The following SMYD3 variants were observed in gnomAD, a reference collection of about 807,000 sequenced individuals.
The protein encoded by SMYD3 is histone-lysine N-methyltransferase SMYD3.
SMYD3 carries 36 observed loss-of-function variants against 57.7 expected under a neutral mutation model. The observed-to-expected ratio is 0.62, with a 90% CI of 0.48 to 0.82. The LOEUF (loss-of-function observed/expected upper bound fraction) is 0.82, where lower values mean the gene tolerates loss of function less well. Among genes scored for constraint, SMYD3 ranks in the 40% least tolerant of loss-of-function variants. SMYD3 has a pLI of 0.00. For missense variants in SMYD3, 515 were observed against 538.8 expected, an observed-to-expected ratio of 0.96 and a Z score of 0.44; for synonymous variants, 211 against 195.0, an observed-to-expected ratio of 1.08 and a Z score of -0.68.
chr1:246,404,824 T>C (rs887903920), intron 1 of SMYD3, among the ~76,000 whole-genome samples: 2 of 152,216 alleles, frequency 1.3e-5, no homozygotes, highest in South Asian at 4.1e-4. Context: ...GATTACCATA[T>C]TGGACAGAGC....
At chr1:246,117,504 A>G (rs978960318) in intron 5 of SMYD3, among the ~76,000 whole-genome samples, 3 of 152,194 alleles carry the variant, frequency 2.0e-5, no homozygotes, top group Non-Finnish European at 4.4e-5. Flanking sequence ...TCATATTACA[A>G]TTGAAATTAT....
intron 5 of SMYD3, among the ~76,000 whole-genome samples, chr1:246,042,040 C>G (rs1244407341): frequency 2.6e-5 from 4 of 152,170 alleles, no homozygotes; most frequent in Non-Finnish European, 5.9e-5. Context: ...TGTTCAAGGT[C>G]TTATGACTGA....
intron 1 of SMYD3, 67 bp downstream of exon 1, chr1:246,506,987 A>AACCCCCCCCCCC: frequency 1.6e-6 from 1 of 634,740 alleles, no homozygotes. Context: ...CGGCCGCCCG[A>AACCCCCCCCCCC]CGCCCCCCCC....
chr1:246,017,969 A>G (rs1165043092), intron 5 of SMYD3, among the ~76,000 whole-genome samples: 1 of 152,182 alleles, frequency 6.6e-6, no homozygotes, highest in Non-Finnish European at 1.5e-5. Flanking sequence ...TTTATGAAAC[A>G]AGAAGACATC....
intron 5 of SMYD3, among the ~76,000 whole-genome samples, chr1:246,085,325 T>C (rs146892994): frequency 1.4e-3 from 220 of 152,264 alleles, no homozygotes; most frequent in African/African-American, 5.1e-3. Context: ...AGGTAGCTAC[T>C]GATGGGGTCC....
In SMYD3 at chr1:246,257,880, C is replaced by G. The variant is rs142885178; in HGVS notation, c.531+69321G>C. Among the ~76,000 whole-genome samples the G allele has an allele frequency of 1.9e-3, 288 of 152,264 alleles. 1 individual carries two copies. Among genetic ancestry groups the G allele is most frequent in the African/African-American group, 6.8e-3 (283 of 41,548 alleles). ...AGGTGTCACACCACCCTTCCCTCTC[C>G]TGCTTCTGCCTTGTAAGACGGCTGC... is the stretch of plus-strand genomic sequence containing the variant. On this transcript the variant is annotated intron_variant, in intron 5 of 11. Transcript: ENST00000490107.
chr1:246,005,119 T>G (rs946561520), intron 5 of SMYD3, among the ~76,000 whole-genome samples: 19 of 152,126 alleles, frequency 1.2e-4, no homozygotes, highest in African/African-American at 4.3e-4. Flanking sequence ...AAAGTGCTGG[T>G]ATTATATGCA....
chr1:246,036,485 A>G (rs2059773192), intron 5 of SMYD3, among the ~76,000 whole-genome samples: 1 of 151,622 alleles, frequency 6.6e-6, no homozygotes, highest in Non-Finnish European at 1.5e-5. Context: ...TTTTTTACAC[A>G]AATAACCATA....
chr1:245,806,716 C>G (rs988968370), intron 10 of SMYD3, among the ~76,000 whole-genome samples: 5 of 151,596 alleles, frequency 3.3e-5, no homozygotes, highest in South Asian at 2.1e-4. Flanking sequence ...GGAGACCATC[C>G]TGGCTAACAA....
intron 5 of SMYD3, among the ~76,000 whole-genome samples, chr1:246,116,370 C>T (rs1204654706): frequency 6.6e-6 from 1 of 152,094 alleles, no homozygotes; most frequent in African/African-American, 2.4e-5. Context: ...TGAAATGGGG[C>T]TGAAACAAGT....
intron 5 of SMYD3, among the ~76,000 whole-genome samples, chr1:246,311,516 G>C (rs934868734): frequency 3.9e-5 from 6 of 152,208 alleles, no homozygotes; most frequent in Admixed American, 2.0e-4. Flanking sequence ...AGCCCACTCA[G>C]CTACTGCTAA....
chr1:246,095,378 G>C lies in SMYD3; in HGVS notation c.532-165441C>G, dbSNP rs144221139. On this transcript the variant is annotated intron_variant, in intron 5 of 11. Transcript: ENST00000490107. ...CAGATAATGTGCTAGGCACTCCAAG[G>C]GCAGAAGTGAGTGCACACAGGGGCA... Among the ~76,000 whole-genome samples, 68 of 152,288 alleles carry C rather than the reference G, an allele frequency of 4.5e-4. 1 individual carries two copies. Among genetic ancestry groups the C allele is most frequent in the African/African-American group, 1.6e-3 (66 of 41,550 alleles).
chr1:246,136,532 G>T (rs548630543), intron 5 of SMYD3, among the ~76,000 whole-genome samples: 1 of 152,306 alleles, frequency 6.6e-6, no homozygotes, highest in Admixed American at 6.5e-5. Flanking sequence ...TAGAAGCAGG[G>T]CCTTGAGAAT....
chr1:245,967,166 A>C (rs2058175955), intron 5 of SMYD3, among the ~76,000 whole-genome samples: 1 of 152,176 alleles, frequency 6.6e-6, no homozygotes, highest in African/African-American at 2.4e-5. Context: ...AAATCTCTCT[A>C]TTCCATCACA....
intron 5 of SMYD3, among the ~76,000 whole-genome samples, chr1:245,995,337 C>T (rs1328072866): frequency 6.6e-6 from 1 of 152,210 alleles, no homozygotes; most frequent in Non-Finnish European, 1.5e-5. Context: ...CGCATTAATT[C>T]ATTTGTTGAT....
intron 5 of SMYD3, among the ~76,000 whole-genome samples, chr1:246,147,668 A>C (rs2148140657): frequency 6.6e-6 from 1 of 150,682 alleles, no homozygotes; most frequent in East Asian, 2.0e-4. Context: ...GCCCAAACTG[A>C]TGCTGGAGAT....
intron 5 of SMYD3, among the ~76,000 whole-genome samples, chr1:246,000,823 C>T (rs1338642141): frequency 6.6e-6 from 1 of 152,244 alleles, no homozygotes; most frequent in Non-Finnish European, 1.5e-5. Flanking sequence ...ACGTATCTAA[C>T]AGAACATATC....
At chr1:246,502,634 G>A (rs529495306) in intron 1 of SMYD3, among the ~76,000 whole-genome samples, 4 of 152,174 alleles carry the variant, frequency 2.6e-5, no homozygotes, top group African/African-American at 7.2e-5. Flanking sequence ...GGCTGCTTTC[G>A]GGTAGATTTC....
rs970440633 is a variant in SMYD3 at position 246,355,725 on chromosome 1, T to C, written c.165-631A>G. ...TGTGACCCAGCAGAAGCAGCCATAA[T>C]CACCCTGGGAACATAACTCCATTAG... On this transcript the variant is annotated intron_variant, in intron 1 of 11. Transcript: ENST00000490107. This position sits in a 1 kb window ranked among gnomAD's most constrained non-coding sequence, Gnocchi z 5.0. 2.0e-5 allele frequency among the ~76,000 whole-genome samples: 3 copies of C among 151,940 alleles called. No individual in the cohort carries two copies. The highest frequency in any genetic ancestry group is 1.3e-4 in the Admixed American group (2 of 15,262).
Sources: gnomAD v4.1 joint callset for allele counts (sites outside exome capture counted in the v4.1 genomes callset) on GRCh38, gnomAD v4.1.1 for gene constraint, Gnocchi (gnomAD v3.1) non-coding constraint, MANE v1.5 for transcripts, NCBI Gene and HGNC (gene_info 2026-07-23, HGNC 2026-07-21) for gene names.